RSRC1: variants seen among roughly 807,000 people sequenced by gnomAD.
RSRC1 encodes the protein arginine and serine rich coiled-coil 1, also known as serine/Arginine-related protein 53.
In RSRC1, 39 loss-of-function variants were observed where a neutral mutation model predicts 49.1. The ratio of observed to expected loss-of-function variants is 0.79; its 90% CI spans 0.61 to 1.04. The LOEUF (loss-of-function observed/expected upper bound fraction) is 1.04, where lower values mean the gene tolerates loss of function less well. Among genes scored for constraint, RSRC1 ranks in the 50% least tolerant of loss-of-function variants. The pLI is 0.00. For missense variants in RSRC1, 388 were observed against 402.4 expected (o/e 0.96, Z 0.31); for synonymous variants, 143 against 130.8 (o/e 1.09, Z -0.63).
At chr3:158,344,852 T>TA (rs1730454469) in intron 5 of RSRC1, among the ~76,000 whole-genome samples, 1 of 152,120 alleles carries the variant, frequency 6.6e-6, no homozygotes, top group Non-Finnish European at 1.5e-5. Flanking sequence ...AAGTTTTTGG[T>TA]AGTATAGAAG....
chr3:158,118,906 C>G (rs1196451106), intron 1 of RSRC1, among the ~76,000 whole-genome samples: 1 of 152,166 alleles, frequency 6.6e-6, no homozygotes, highest in African/African-American at 2.4e-5. Flanking sequence ...TCAGTTTTTG[C>G]AGATATTCAA....
chr3:158,404,008 G>A (rs556003160), intron 6 of RSRC1, among the ~76,000 whole-genome samples: 53 of 151,618 alleles, frequency 3.5e-4, no homozygotes, highest in Non-Finnish European at 7.1e-4. Context: ...ATGTGTAAAC[G>A]TACAGAAAAT....
intron 5 of RSRC1, among the ~76,000 whole-genome samples, chr3:158,298,305 T>C (rs562100055): frequency 6.6e-6 from 1 of 152,180 alleles, no homozygotes; most frequent in East Asian, 1.9e-4. Context: ...TGAAATAAAA[T>C]GGATGACAAT....
chr3:158,522,389 C>T (rs550936321), intron 7 of RSRC1, among the ~76,000 whole-genome samples: 20 of 152,214 alleles, frequency 1.3e-4, no homozygotes, highest in East Asian at 3.9e-4. Flanking sequence ...TCACTGCAGC[C>T]TTGAATTCCT....
chr3:158,306,795 T>C (rs1048963750), intron 5 of RSRC1, among the ~76,000 whole-genome samples: 38 of 152,052 alleles, frequency 2.5e-4, no homozygotes, highest in African/African-American at 8.7e-4. Flanking sequence ...AGTGACTATA[T>C]CATATCATCG....
chr3:158,162,984 T>A (rs547436788), intron 3 of RSRC1, among the ~76,000 whole-genome samples: 2 of 152,102 alleles, frequency 1.3e-5, no homozygotes, highest in Non-Finnish European at 2.9e-5. Context: ...TGCTCTCCTT[T>A]CCCTTTCCTC....
intron 4 of RSRC1, among the ~76,000 whole-genome samples, chr3:158,218,320 AG>A (rs1722062020): frequency 6.6e-6 from 1 of 151,666 alleles, no homozygotes; most frequent in Non-Finnish European, 1.5e-5. Flanking sequence ...ACAGTAATCT[AG>A]GAGAGATGTA....
intron 3 of RSRC1, among the ~76,000 whole-genome samples, chr3:158,136,439 G>A (rs1716382156): frequency 6.6e-6 from 1 of 152,064 alleles, no homozygotes; most frequent in South Asian, 2.1e-4. Context: ...CTCCCCTACA[G>A]AGCTCTAGTT....
intron 3 of RSRC1, among the ~76,000 whole-genome samples, chr3:158,195,250 G>A (rs1720516433): frequency 6.6e-6 from 1 of 152,040 alleles, no homozygotes; most frequent in African/African-American, 2.4e-5. Context: ...GATGGCCAGT[G>A]ATGATGAGCA....
chr3:158,326,529 C>T (rs948169061), intron 5 of RSRC1, among the ~76,000 whole-genome samples: 2 of 151,994 alleles, frequency 1.3e-5, no homozygotes, highest in Admixed American at 6.6e-5. Context: ...TGCTGGATTA[C>T]ATTTATTGAT....
intron 3 of RSRC1, among the ~76,000 whole-genome samples, chr3:158,190,941 G>A (rs1440426411): frequency 6.6e-6 from 1 of 151,880 alleles, no homozygotes; most frequent in Admixed American, 6.6e-5. Flanking sequence ...ATTAGAAATA[G>A]GGTCTTGCTC....
At chr3:158,394,120 C>T (rs538254020) in intron 6 of RSRC1, among the ~76,000 whole-genome samples, 1 of 152,078 alleles carries the variant, frequency 6.6e-6, no homozygotes, top group African/African-American at 2.4e-5. Flanking sequence ...ATGTTAAAAA[C>T]TCTCAACAAA....
chr3:158,418,222 T>C (rs1734850823), intron 6 of RSRC1, among the ~76,000 whole-genome samples: 1 of 151,966 alleles, frequency 6.6e-6, no homozygotes, highest in African/African-American at 2.4e-5. Flanking sequence ...ACCTCTTAAC[T>C]TTTATTGTCC....
At chr3:158,232,132 T>C (rs1323043344) in intron 4 of RSRC1, among the ~76,000 whole-genome samples, 2 of 152,144 alleles carry the variant, frequency 1.3e-5, no homozygotes, top group African/African-American at 4.8e-5. Flanking sequence ...TGTTTTTGTT[T>C]AGTACTTTGG....
chr3:158,439,856 C>T (rs547211924), intron 6 of RSRC1, among the ~76,000 whole-genome samples: 6 of 151,828 alleles, frequency 4.0e-5, no homozygotes, highest in African/African-American at 1.4e-4. Flanking sequence ...TGTGATAGGA[C>T]TACTGCCAAA....
At chr3:158,479,453 A>T (rs1738522786) in intron 7 of RSRC1, among the ~76,000 whole-genome samples, 1 of 151,722 alleles carries the variant, frequency 6.6e-6, no homozygotes. Context: ...ATTTTTTCCA[A>T]ATGAGTTTGG....
intron 4 of RSRC1, among the ~76,000 whole-genome samples, chr3:158,270,414 T>C (rs1457795326): frequency 6.6e-6 from 1 of 152,192 alleles, no homozygotes. Flanking sequence ...TGATTCACAA[T>C]ACTAAGCTCT....
intron 4 of RSRC1, among the ~76,000 whole-genome samples, chr3:158,266,832 A>G (rs930478824): frequency 6.6e-6 from 1 of 152,000 alleles, no homozygotes; most frequent in Non-Finnish European, 1.5e-5. Context: ...CTCCAAGATC[A>G]TATGATCTGC....
chr3:158,537,238 T>G, intron 8 of RSRC1, 40 bp downstream of exon 8: 1 of 1,225,054 alleles, frequency 8.2e-7, no homozygotes, highest in Non-Finnish European at 1.1e-6. Context: ...ACCTTTGGAT[T>G]CTACCTGAAG....
Sources: allele counts gnomAD v4.1 joint callset (sites outside exome capture counted in the v4.1 genomes callset), GRCh38; gene constraint gnomAD v4.1.1; transcripts MANE v1.5; gene names NCBI Gene and HGNC (gene_info 2026-07-23, HGNC 2026-07-21).